The following RYR3 variants were observed in gnomAD, a reference collection of about 807,000 sequenced individuals.
The protein encoded by RYR3 is brain ryanodine receptor-calcium release channel.
Under a neutral mutation model 584.3 loss-of-function variants are expected in RYR3, and 207 were observed. The ratio of observed to expected loss-of-function variants is 0.35; its 90% CI spans 0.32 to 0.40. The LOEUF (loss-of-function observed/expected upper bound fraction) is 0.40. RYR3 is among the 10% of genes least tolerant of loss of function. The pLI is 1.00. For missense variants in RYR3, 5,616 were observed against 6,089.2 expected (o/e 0.92, Z 2.59); for synonymous variants, 2,416 against 2,248.5 (o/e 1.07, Z -2.11).
At position 33,738,564 on chromosome 15, in the gene RYR3, G is replaced by C; in HGVS notation, c.7630G>C (p.Gly2544Arg). The C allele has an allele frequency of 6.2e-7, 1 of 1,613,940 alleles. No homozygotes were observed. The highest frequency in any genetic ancestry group is 8.5e-7 in the Non-Finnish European group (1 of 1,179,864). Residue 2544 changes from glycine (G) to arginine (R), a missense_variant, in exon 50 of 104, where the codon GGG becomes CGG. Physicochemically the swap from Gly to Arg is moderately radical, Grantham distance 125. Coordinates refer to ENST00000634891, the MANE Select transcript of RYR3 (RefSeq NM_001036.6). ...ELHLTEKLFW[G>R]IFDSLSHKKY... ...GCACCTAACGGAGAAGCTTTTCTGG[G>C]GGATTTTTGACTCGCTCTCCCATAA...
intron 31 of RYR3, among the ~76,000 whole-genome samples, chr15:33,650,801 C>T (rs1322131806): frequency 6.6e-6 from 1 of 152,160 alleles, no homozygotes. Context: ...TATAAGTGGA[C>T]CCACATATAA....
intron 1 of RYR3, among the ~76,000 whole-genome samples, chr15:33,439,263 A>C (rs1223409851): frequency 6.6e-6 from 1 of 152,216 alleles, no homozygotes; most frequent in African/African-American, 2.4e-5. Flanking sequence ...TATAGTTTTC[A>C]TATGACAGTC....
At chr15:33,699,914 A>C in intron 41 of RYR3, 81 bp downstream of exon 41, 1 of 1,427,678 alleles carries the variant, frequency 7.0e-7, no homozygotes. Flanking sequence ...AAATACAGGG[A>C]AAGGAGCCAC....
intron 1 of RYR3, among the ~76,000 whole-genome samples, chr15:33,359,767 C>T (rs1169084594): frequency 2.6e-5 from 4 of 151,946 alleles, no homozygotes; most frequent in Non-Finnish European, 4.4e-5. Context: ...TACAGGCGCC[C>T]ACCACCAAGC....
chr15:33,490,834 A>G (rs1480065159), intron 2 of RYR3, among the ~76,000 whole-genome samples: 5 of 152,104 alleles, frequency 3.3e-5, no homozygotes, highest in Non-Finnish European at 7.4e-5. Context: ...TTTGACTTGA[A>G]AAATGAGCCC....
chr15:33,317,712 A>G (rs1444101356), intron 1 of RYR3, among the ~76,000 whole-genome samples: 1 of 152,134 alleles, frequency 6.6e-6, no homozygotes, highest in Non-Finnish European at 1.5e-5. Context: ...ATCATCTCTG[A>G]GACTGATGAT....
At chr15:33,766,571 T>C (rs2073094726) in intron 60 of RYR3, among the ~76,000 whole-genome samples, 1 of 152,226 alleles carries the variant, frequency 6.6e-6, no homozygotes, top group African/African-American at 2.4e-5. Flanking sequence ...TTTCTTAGAT[T>C]ATTAATTCAT....
At chr15:33,314,676 A>G (rs1967840020) in intron 1 of RYR3, among the ~76,000 whole-genome samples, 2 of 152,190 alleles carry the variant, frequency 1.3e-5, no homozygotes, top group Admixed American at 1.3e-4. Flanking sequence ...GCACTTTGGG[A>G]GGCCGAGGCG....
At chr15:33,551,261 A>G (rs993289611) in intron 10 of RYR3, among the ~76,000 whole-genome samples, 10 of 152,164 alleles carry the variant, frequency 6.6e-5, no homozygotes, top group African/African-American at 2.4e-4. Context: ...ATAGCTCAAT[A>G]TCTCCTTTGG....
chr15:33,674,810 G>T (rs779038014), intron 38 of RYR3, among the ~76,000 whole-genome samples: 44 of 148,738 alleles, frequency 3.0e-4, no homozygotes, highest in Non-Finnish European at 5.6e-4. Flanking sequence ...AAAAAAAGCT[G>T]CTTCAACAAA....
At chr15:33,503,237 G>T (rs2052160211) in intron 2 of RYR3, among the ~76,000 whole-genome samples, 1 of 152,130 alleles carries the variant, frequency 6.6e-6, no homozygotes, top group Non-Finnish European at 1.5e-5. Context: ...CCACATTATG[G>T]TCTGTCCACT....
At chr15:33,751,232 T>A (rs907323546) in intron 57 of RYR3, among the ~76,000 whole-genome samples, 1 of 152,216 alleles carries the variant, frequency 6.6e-6, no homozygotes, top group African/African-American at 2.4e-5. Flanking sequence ...TAATTTATAA[T>A]CCTTTGGGTA....
Position 33,662,936 on chromosome 15 carries a change from C to A in RYR3, c.5406C>A (p.Ser1802=), listed in dbSNP as rs527977093. 4 of 1,611,764 alleles carry A rather than the reference C, an allele frequency of 2.5e-6. No homozygotes were observed. The highest frequency in any genetic ancestry group is 3.4e-6 in the Non-Finnish European group (4 of 1,178,978). The change falls in exon 35 of 104, where the codon TCC becomes TCA. Residue 1802 remains serine (S), a synonymous_variant. Coordinates refer to ENST00000634891, the MANE Select transcript of RYR3 (RefSeq NM_001036.6). ...TGTTGCAGACTCGATTACCCGAATC[C>A]GTCAAGCTGCAGGTAAGCTGCAGGT... The part of the protein sequence containing the change: ...KGLLQTRLPE[S]VKLQMCELLS...
chr15:33,484,881 A>G (rs1358902867), intron 2 of RYR3, among the ~76,000 whole-genome samples: 2 of 152,204 alleles, frequency 1.3e-5, no homozygotes, highest in African/African-American at 4.8e-5. Flanking sequence ...ATGACTTAAG[A>G]GTTCAAAAGA....
intron 7 of RYR3, among the ~76,000 whole-genome samples, chr15:33,541,518 G>A (rs1452326123): frequency 6.6e-6 from 1 of 152,088 alleles, no homozygotes; most frequent in East Asian, 1.9e-4. Flanking sequence ...CTCACTCATA[G>A]GTAATACCAC....
chr15:33,666,390 G>A (rs1334485517), intron 36 of RYR3, among the ~76,000 whole-genome samples: 1 of 152,128 alleles, frequency 6.6e-6, no homozygotes, highest in Non-Finnish European at 1.5e-5. Flanking sequence ...TGCTGATACT[G>A]CTGGTCTGAG....
intron 1 of RYR3, among the ~76,000 whole-genome samples, chr15:33,329,651 AGTTCTCAAT>A (rs1372386351): frequency 1.3e-5 from 2 of 152,202 alleles, no homozygotes; most frequent in African/African-American, 4.8e-5. Context: ...CTTACTCACC[AGTTCTCAAT>A]GTTCTCAATA....
rs892886026 is a variant in RYR3 at position 33,859,065 on chromosome 15, C to G, written c.14143-510C>G. ...GTGGAGAGACAGAGGGTGCCCTGCT[C>G]AGGGAGCCCGTGCCTAGATTGGCTC... is the stretch of plus-strand genomic sequence containing the variant. On this transcript the variant is annotated intron_variant, in intron 99 of 103. Transcript: ENST00000634891. 3 of 154,274 alleles carry G rather than the reference C, an allele frequency of 1.9e-5. No individual in the cohort carries two copies. In the South Asian group the frequency reaches 6.1e-4, roughly 31 times the overall value. The allele number at this position is 154,274 out of a possible 1,614,324, so 9.6% of individuals were successfully genotyped here. A position where few individuals can be genotyped will look rare whatever the true frequency, so the allele number is the denominator to read the frequency against.
chr15:33,662,363 C>T lies in RYR3; in HGVS notation c.4833C>T (p.Ile1611=), dbSNP rs754591625. The T allele has an allele frequency of 6.8e-6, 11 of 1,612,816 alleles. No individual in the cohort carries two copies. The highest frequency in any genetic ancestry group is 9.3e-6 in the Non-Finnish European group (11 of 1,179,500). Residue 1611 remains isoleucine, a synonymous_variant, in exon 35 of 104, where the codon ATC becomes ATT. Transcript: ENST00000634891. ...LLRSGFYDLL[I]SIHLASAKER... ...GATCTGGTTTCTATGACCTGCTCATCAGCATCCACCTGGCCAGCGCCAAGG... is the reference window on the plus strand; with the variant it reads ...GATCTGGTTTCTATGACCTGCTCATTAGCATCCACCTGGCCAGCGCCAAGG...
Sources: allele counts gnomAD v4.1 joint callset (sites outside exome capture counted in the v4.1 genomes callset), GRCh38; gene constraint gnomAD v4.1.1; transcripts MANE v1.5; gene names NCBI Gene and HGNC (gene_info 2026-07-23, HGNC 2026-07-21).